CEP63: variants seen among roughly 807,000 people sequenced by gnomAD.
The protein encoded by CEP63 is centrosomal protein 63.
Under a neutral mutation model 89.1 loss-of-function variants are expected in CEP63, and 84 were observed. The observed-to-expected ratio is 0.94, with a 90% CI of 0.79 to 1.13. The LOEUF is 1.13. CEP63 is among the 50% of genes most tolerant of loss of function. The pLI, the probability that CEP63 is intolerant of heterozygous loss-of-function variation, is 0.00. For synonymous variants in CEP63, 267 were observed against 272.5 expected (o/e 0.98, Z 0.20); for missense variants, 838 against 813.3 (o/e 1.03, Z -0.37).
At chr3:134,712,142 T>C in the CEP63 span, among the ~76,000 whole-genome samples, 1 of 152,230 alleles carries the variant, frequency 6.6e-6, no homozygotes, top group East Asian at 1.9e-4. Context: ...TTCATGATCA[T>C]GTGCTTTGGT....
chr3:134,723,650 G>A, the CEP63 span, among the ~76,000 whole-genome samples: 1 of 152,184 alleles, frequency 6.6e-6, no homozygotes, highest in Admixed American at 6.5e-5. Context: ...CCACCTTAAA[G>A]GTGAGACTCT....
At chr3:134,572,470 A>G (rs942328055) in intron 11 of CEP63, among the ~76,000 whole-genome samples, 16 of 151,986 alleles carry the variant, frequency 1.1e-4, no homozygotes, top group African/African-American at 2.9e-4. Flanking sequence ...TTACTACCCA[A>G]TGTCTAGCTC....
chr3:134,681,091 G>C, the CEP63 span, among the ~76,000 whole-genome samples: 1 of 152,170 alleles, frequency 6.6e-6, no homozygotes, highest in African/African-American at 2.4e-5. Flanking sequence ...AAGGGGGAGG[G>C]GCAGACCCCT....
At chr3:134,678,094 G>A in the CEP63 span, among the ~76,000 whole-genome samples, 3 of 151,990 alleles carry the variant, frequency 2.0e-5, no homozygotes, top group Admixed American at 6.6e-5. Context: ...CCTGGTGCTG[G>A]GCTCCCACCT....
the CEP63 span, chr3:134,651,138 T>C: frequency 6.8e-7 from 1 of 1,470,758 alleles, no homozygotes; most frequent in South Asian, 1.3e-5. Context: ...AACACGCCAT[T>C]AGGGCCCGCC....
intron 10 of CEP63, among the ~76,000 whole-genome samples, chr3:134,584,094 T>C (rs940838601): frequency 2.6e-5 from 4 of 152,230 alleles, no homozygotes; most frequent in Non-Finnish European, 5.9e-5. Flanking sequence ...GATGGGGTTT[T>C]CTAAATATGC....
At chr3:134,637,876 G>A in the CEP63 span, among the ~76,000 whole-genome samples, 20 of 152,252 alleles carry the variant, frequency 1.3e-4, no homozygotes, top group African/African-American at 4.6e-4. Flanking sequence ...CCAGGGCAGG[G>A]TGTTGAGGTG....
chr3:134,569,527 C>T (rs145655883), downstream of CEP63, among the ~76,000 whole-genome samples: 58 of 152,350 alleles, frequency 3.8e-4, no homozygotes, highest in African/African-American at 1.3e-3. Context: ...CCATGTCTCA[C>T]ATCCAGGTCA....
chr3:134,723,020 C>CAAA, the CEP63 span, among the ~76,000 whole-genome samples: 1 of 152,216 alleles, frequency 6.6e-6, no homozygotes, highest in Non-Finnish European at 1.5e-5. Flanking sequence ...GTCCACTCGG[C>CAAA]TGTCCACATT....
the CEP63 span, among the ~76,000 whole-genome samples, chr3:134,769,098 G>T: frequency 2.0e-5 from 3 of 151,224 alleles, no homozygotes; most frequent in Non-Finnish European, 4.4e-5. Flanking sequence ...GTGGCTCTGT[G>T]GTGAAAGAAG....
the CEP63 span, among the ~76,000 whole-genome samples, chr3:134,680,461 C>G: frequency 6.6e-6 from 1 of 152,182 alleles, no homozygotes; most frequent in African/African-American, 2.4e-5. Context: ...GAATTCTGTA[C>G]AACCATGTGC....
chr3:134,537,049 A>G (rs1343961765), intron 5 of CEP63, 106 bp from the exon 6 acceptor site: 1 of 777,522 alleles, frequency 1.3e-6, no homozygotes, highest in Non-Finnish European at 2.4e-6. Flanking sequence ...AGAAAGGTGC[A>G]AGCGTACCCA....
chr3:134,711,246 A>C, the CEP63 span, among the ~76,000 whole-genome samples: 1 of 152,138 alleles, frequency 6.6e-6, no homozygotes, highest in African/African-American at 2.4e-5. Context: ...CTTTTCCAGG[A>C]GAGTTGGGAA....
At chr3:134,719,815 T>C in the CEP63 span, among the ~76,000 whole-genome samples, 1 of 152,188 alleles carries the variant, frequency 6.6e-6, no homozygotes, top group African/African-American at 2.4e-5. Flanking sequence ...ATTTCCTTCT[T>C]ACTGGCAAAT....
chr3:134,722,244 C>T, the CEP63 span, among the ~76,000 whole-genome samples: 2 of 151,494 alleles, frequency 1.3e-5, no homozygotes, highest in Non-Finnish European at 2.9e-5. Context: ...TCCAAGTTAT[C>T]TAATTTGTTG....
chr3:134,510,996 C>A, intron 3 of CEP63: 1 of 155,738 alleles, frequency 6.4e-6, no homozygotes, highest in South Asian at 1.6e-4. Context: ...GTAATGATTT[C>A]TGAATTCTGG....
the CEP63 span, among the ~76,000 whole-genome samples, chr3:134,768,482 C>CT: frequency 6.6e-6 from 1 of 152,174 alleles, no homozygotes; most frequent in Non-Finnish European, 1.5e-5. Flanking sequence ...TTCTCTTCCT[C>CT]TTATGATGCC....
chr3:134,663,113 G>A, the CEP63 span, among the ~76,000 whole-genome samples: 3 of 152,216 alleles, frequency 2.0e-5, no homozygotes, highest in African/African-American at 4.8e-5. Context: ...TAATGCTTCA[G>A]CCAGGGCTCC....
chr3:134,629,386 G>A, the CEP63 span: 3 of 523,418 alleles, frequency 5.7e-6, no homozygotes, highest in Non-Finnish European at 1.0e-5. Flanking sequence ...TGTGTCTTCA[G>A]CTAAATGTCT....
Sources: gnomAD v4.1 joint callset for allele counts (sites outside exome capture counted in the v4.1 genomes callset) on GRCh38, gnomAD v4.1.1 for gene constraint, MANE v1.5 for transcripts, NCBI Gene and HGNC (gene_info 2026-07-23, HGNC 2026-07-21) for gene names.